Variants in CIT observed in about 807,000 individuals in gnomAD.
The protein encoded by CIT is citron rho-interacting serine/threonine kinase.
A neutral mutation model predicts 272.7 loss-of-function variants in CIT; 79 were observed. The observed-to-expected ratio is 0.29, with a 90% CI of 0.24 to 0.35. The LOEUF is 0.35. Among genes scored for constraint, CIT ranks in the 10% least tolerant of loss-of-function variants. CIT has a pLI of 1.00. For synonymous variants in CIT, 948 were observed against 995.6 expected, an observed-to-expected ratio of 0.95 and a Z score of 0.90; for missense variants, 1,909 against 2,618.3, an observed-to-expected ratio of 0.73 and a Z score of 5.91.
chr12:119,755,924 C>T (rs914764170), intron 22 of CIT, among the ~76,000 whole-genome samples: 3 of 152,210 alleles, frequency 2.0e-5, no homozygotes, highest in Non-Finnish European at 4.4e-5. Flanking sequence ...ACCTCTGCCA[C>T]CAGCACTGGG....
chr12:119,744,577 G>A (rs940244543), intron 23 of CIT, among the ~76,000 whole-genome samples: 22 of 151,838 alleles, frequency 1.4e-4, no homozygotes, highest in African/African-American at 5.3e-4. Context: ...TTAGCTGGGT[G>A]TGGTGGCAGG....
At chr12:119,750,814 C>T (rs145916536) in intron 23 of CIT, among the ~76,000 whole-genome samples, 1,902 of 151,974 alleles carry the variant, frequency 0.013, 30 homozygotes, top group Non-Finnish European at 0.015. Flanking sequence ...GAGATGTACA[C>T]GTGCATTACA....
chr12:119,747,867 T>G (rs1565982143), intron 23 of CIT, among the ~76,000 whole-genome samples: 1 of 152,120 alleles, frequency 6.6e-6, no homozygotes, highest in African/African-American at 2.4e-5. Flanking sequence ...AGTATTGTTA[T>G]GAAAACAGTC....
intron 5 of CIT, among the ~76,000 whole-genome samples, chr12:119,843,848 T>C (rs1255117401): frequency 6.6e-6 from 1 of 151,948 alleles, no homozygotes; most frequent in African/African-American, 2.4e-5. Flanking sequence ...GAGCGTGATA[T>C]GTAAGTTTCC....
In CIT at chr12:119,710,651, A is replaced by C; in HGVS notation, c.4855-31T>G. ...CATAGGTGAAAGAAAAGAAAAACAGAAGACATCGTGAGGCTGATCTGTTTA... is the reference window on the plus strand; with the variant it reads ...CATAGGTGAAAGAAAAGAAAAACAGCAGACATCGTGAGGCTGATCTGTTTA... On this transcript the variant is annotated intron_variant, in intron 37 of 47. Transcript: ENST00000392521. The surrounding 1 kb of genome is among the most constrained non-coding windows in gnomAD (Gnocchi z 5.6). 6.3e-7 allele frequency: 1 copy of C among 1,595,306 alleles called. No homozygotes were observed. Among genetic ancestry groups the C allele is most frequent in the Non-Finnish European group, 8.6e-7 (1 of 1,162,882 alleles).
intron 46 of CIT, among the ~76,000 whole-genome samples, chr12:119,691,163 C>CTCCG: frequency 8.2e-6 from 1 of 122,142 alleles, no homozygotes; most frequent in South Asian, 3.1e-4. Flanking sequence ...CAGAGCAAGA[C>CTCCG]TCCGTCTCAA....
intron 30 of CIT, among the ~76,000 whole-genome samples, chr12:119,719,185 T>G (rs748095624): frequency 1.3e-5 from 2 of 150,812 alleles, no homozygotes; most frequent in Admixed American, 1.3e-4. Context: ...ATCAGGAGAG[T>G]ATGGAGTATG....
intron 24 of CIT, among the ~76,000 whole-genome samples, chr12:119,741,652 A>T (rs1959064034): frequency 6.6e-6 from 1 of 152,202 alleles, no homozygotes; most frequent in South Asian, 2.1e-4. Flanking sequence ...AATGCAAATA[A>T]TACAAACAAG....
chr12:119,770,817 G>C lies in CIT; in HGVS notation c.2176C>G (p.Gln726Glu). 6.2e-7 allele frequency: 1 copy of C among 1,612,800 alleles called. No homozygotes were observed. The highest frequency in any genetic ancestry group is 8.5e-7 in the Non-Finnish European group (1 of 1,179,868). ...RLKDDIQTKS[Q>E]QIQQMADKIL... The stretch of plus-strand genomic sequence containing the variant: ...TTATCAGCCATCTGCTGGATCTGTT[G>C]GGATTTTGTCTGGATGTCATCCTTC... The change falls in exon 18 of 48, where the codon CAA (glutamine) becomes GAA (glutamate). Residue 726 changes from glutamine (Q) to glutamate (E), a missense_variant. Gln to Glu is a conservative substitution (Grantham distance 29). Coordinates refer to ENST00000392521, the MANE Select transcript of CIT (RefSeq NM_001206999.2). The surrounding 1 kb of genome is among the most constrained non-coding windows in gnomAD (Gnocchi z 4.4).
chr12:119,876,255 T>A, intron 1 of CIT, 74 bp from the exon 2 acceptor site: 1 of 888,688 alleles, frequency 1.1e-6, no homozygotes, highest in Non-Finnish European at 1.8e-6. Context: ...CTGATCTCCC[T>A]CAAGATATCA....
At chr12:119,870,550 A>C (rs1476000174) in intron 2 of CIT, among the ~76,000 whole-genome samples, 1 of 37,078 alleles carries the variant, frequency 2.7e-5, no homozygotes, top group Non-Finnish European at 5.6e-5. Context: ...ACTCCCTCTC[A>C]AAAAAAAAAA....
At position 119,730,633 on chromosome 12, in the gene CIT, G is replaced by A; in HGVS notation, c.3351-3C>T. ...TGATCCGCTGATCGGCTCTCGCCCT[G>A]CCAGAAAGACACAGGTCAGCTTTTG... On this transcript the variant is annotated splice_polypyrimidine_tract_variant and splice_region_variant and intron_variant, in intron 26 of 47. Transcript: ENST00000392521. The A allele has an allele frequency of 6.2e-7, 1 of 1,612,706 alleles. No homozygotes were observed. The highest frequency in any genetic ancestry group is 8.5e-7 in the Non-Finnish European group (1 of 1,179,230).
At chr12:119,758,546 G>T in intron 21 of CIT, 45 bp downstream of exon 21, 1 of 1,253,000 alleles carries the variant, frequency 8.0e-7, no homozygotes, top group Non-Finnish European at 1.2e-6. Flanking sequence ...CAGGAGAGGA[G>T]ACCAAAGTGT....
In CIT at chr12:119,717,134, C is replaced by A. The variant is rs562434873; in HGVS notation, c.4168+1111G>T. Among the ~76,000 whole-genome samples the A allele has an allele frequency of 3.9e-5, 6 of 152,336 alleles. No homozygotes were observed. The South Asian group carries it at 1.2e-3, about 32-fold the overall frequency. On this transcript the variant is annotated intron_variant, in intron 32 of 47. Coordinates refer to ENST00000392521, the MANE Select transcript of CIT (RefSeq NM_001206999.2). ...ATGGCTTTATCTTGGCTCACTGCAA[C>A]CTCTGCCTCCCAGGTTCAAACAGTT... is the stretch of plus-strand genomic sequence containing the variant.
chr12:119,857,516 C>T lies in CIT; in HGVS notation c.414+7G>A, dbSNP rs939844619. 3 of 1,613,756 alleles carry T rather than the reference C, an allele frequency of 1.9e-6. No homozygotes were observed. The highest frequency in any genetic ancestry group is 2.5e-6 in the Non-Finnish European group (3 of 1,179,834). On this transcript the variant is annotated splice_region_variant and intron_variant, in intron 4 of 47. Coordinates refer to ENST00000392521, the MANE Select transcript of CIT (RefSeq NM_001206999.2). The stretch of plus-strand genomic sequence containing the variant: ...AGTGGAAAAGCATGATGTTAAAATC[C>T]TCCTACCTGCTCCTGGGCCAATAAA...
intron 41 of CIT, 141 bp from the exon 42 acceptor site, chr12:119,702,099 G>T: frequency 1.6e-6 from 1 of 631,942 alleles, no homozygotes; most frequent in Non-Finnish European, 2.8e-6. Context: ...GTCATAGAGA[G>T]CCATTCATCT....
Position 119,728,303 on chromosome 12 carries a change from T to C in CIT, c.3591+199A>G, listed in dbSNP as rs755671763. Among the ~76,000 whole-genome samples, 1 of 152,144 alleles carries C rather than the reference T, an allele frequency of 6.6e-6. No homozygotes were observed. Among genetic ancestry groups the C allele is most frequent in the Non-Finnish European group, 1.5e-5 (1 of 68,032 alleles). On this transcript the variant is annotated intron_variant, in intron 28 of 47. Coordinates refer to ENST00000392521, the MANE Select transcript of CIT (RefSeq NM_001206999.2). The surrounding 1 kb of genome is among the most constrained non-coding windows in gnomAD (Gnocchi z 4.3). ...TGACGATGTGTCAGTGCAGGCCCAT[T>C]GATTGTAACAAATGGACACTCTGGT...
intron 19 of CIT, among the ~76,000 whole-genome samples, chr12:119,762,173 G>A (rs1050442654): frequency 6.6e-6 from 1 of 152,168 alleles, no homozygotes; most frequent in Non-Finnish European, 1.5e-5. Context: ...CAGTCAGCGG[G>A]GAGGGAGTCC....
At chr12:119,793,752 G>C (rs1965507851) in intron 10 of CIT, among the ~76,000 whole-genome samples, 1 of 152,202 alleles carries the variant, frequency 6.6e-6, no homozygotes, top group African/African-American at 2.4e-5. Flanking sequence ...AATGCACTCT[G>C]TGTGGGCAGG....
Sources: gnomAD v4.1 joint callset for allele counts (sites outside exome capture counted in the v4.1 genomes callset) on GRCh38, gnomAD v4.1.1 for gene constraint, Gnocchi (gnomAD v3.1) non-coding constraint, MANE v1.5 for transcripts, NCBI Gene and HGNC (gene_info 2026-07-23, HGNC 2026-07-21) for gene names.